FBXW7: variants seen among roughly 807,000 people sequenced by gnomAD.
The protein encoded by FBXW7 is F-box/WD repeat-containing protein 7.
FBXW7 carries 11 observed loss-of-function variants against 86.3 expected under a neutral mutation model. The observed-to-expected ratio is 0.13, with a 90% CI of 0.08 to 0.21. FBXW7 has a LOEUF of 0.21. FBXW7 is among the 10% of genes least tolerant of loss of function. The pLI is 1.00. For synonymous variants in FBXW7, 313 were observed against 297.9 expected (o/e 1.05, Z -0.52); for missense variants, 488 against 847.4 (o/e 0.58, Z 5.27).
chr4:152,324,429 G>A (rs1728819204), intron 12 of FBXW7, 35 bp from the exon 13 acceptor site: 1 of 1,489,778 alleles, frequency 6.7e-7, no homozygotes, highest in Non-Finnish European at 9.2e-7. Context: ...ATAGAAGTAT[G>A]GATACTCTTC....
intron 4 of FBXW7, among the ~76,000 whole-genome samples, chr4:152,393,433 TC>T (rs1736159521): frequency 1.3e-5 from 2 of 152,180 alleles, no homozygotes; most frequent in Non-Finnish European, 2.9e-5. Flanking sequence ...GTTTTAATTT[TC>T]TTTTCTATAC....
At chr4:152,504,802 G>A (rs1475094529) in intron 2 of FBXW7, among the ~76,000 whole-genome samples, 6 of 152,072 alleles carry the variant, frequency 3.9e-5, no homozygotes, top group Non-Finnish European at 8.8e-5. Context: ...GGTACAAAGA[G>A]AATCTAAAAT....
At chr4:152,511,374 A>G (rs573052505) in intron 2 of FBXW7, among the ~76,000 whole-genome samples, 9 of 141,106 alleles carry the variant, frequency 6.4e-5, no homozygotes, top group African/African-American at 2.4e-4. Flanking sequence ...CTAATCCTCC[A>G]TTTTTTCATC....
chr4:152,364,982 T>C (rs1352466238), intron 4 of FBXW7, among the ~76,000 whole-genome samples: 1 of 152,168 alleles, frequency 6.6e-6, no homozygotes, highest in Non-Finnish European at 1.5e-5. Context: ...TTGTGTCTGT[T>C]TCATGGCTGG....
chr4:152,322,628 G>T lies in FBXW7; in HGVS notation c.*253C>A. 1 of 498,834 alleles carries T rather than the reference G, an allele frequency of 2.0e-6. No homozygotes were observed. Among genetic ancestry groups the T allele is most frequent in the South Asian group, 4.1e-5 (1 of 24,500 alleles). 30.9% of individuals were successfully genotyped at this position (498,834 alleles called of 1,614,324 possible). ...GATTTAGAAAGTCTCATTTTGCAAA[G>T]CTGCCCTCAGTCAAAAGTGAAGCCT... On this transcript the variant is annotated 3_prime_UTR_variant, in exon 14 of 14. Coordinates refer to ENST00000281708, the MANE Select transcript of FBXW7 (RefSeq NM_001349798.2).
intron 5 of FBXW7, among the ~76,000 whole-genome samples, chr4:152,349,538 C>T (rs1460339112): frequency 6.6e-6 from 1 of 151,788 alleles, no homozygotes; most frequent in African/African-American, 2.4e-5. Context: ...GGAAACTATT[C>T]TACTGGTATA....
At chr4:152,390,854 G>GC (rs1735938377) in intron 4 of FBXW7, among the ~76,000 whole-genome samples, 1 of 151,722 alleles carries the variant, frequency 6.6e-6, no homozygotes, top group Non-Finnish European at 1.5e-5. Context: ...GTAATTGTGT[G>GC]TTTTTTTGCT....
At chr4:152,331,422 G>T (rs986818978) in intron 8 of FBXW7, among the ~76,000 whole-genome samples, 1 of 152,044 alleles carries the variant, frequency 6.6e-6, no homozygotes, top group Non-Finnish European at 1.5e-5. Context: ...CTATGACATG[G>T]ATGAACCTTG....
At chr4:152,373,400 A>G (rs1185642887) in intron 4 of FBXW7, among the ~76,000 whole-genome samples, 1 of 152,008 alleles carries the variant, frequency 6.6e-6, no homozygotes, top group Non-Finnish European at 1.5e-5. Flanking sequence ...CTGTCTCCCC[A>G]AACTACAATC....
At chr4:152,373,739 G>A (rs115109905) in intron 4 of FBXW7, among the ~76,000 whole-genome samples, 282 of 152,026 alleles carry the variant, frequency 1.9e-3, no homozygotes, top group African/African-American at 6.6e-3. Flanking sequence ...TACTTTGTAC[G>A]TAGGTCCATT....
chr4:152,482,876 A>G (rs1381999625), intron 2 of FBXW7, among the ~76,000 whole-genome samples: 1 of 152,196 alleles, frequency 6.6e-6, no homozygotes, highest in East Asian at 1.9e-4. Context: ...TAAGATAAAT[A>G]AAATAATTTT....
At chr4:152,374,009 T>C (rs1051930964) in intron 4 of FBXW7, among the ~76,000 whole-genome samples, 4 of 152,056 alleles carry the variant, frequency 2.6e-5, no homozygotes, top group Non-Finnish European at 5.9e-5. Flanking sequence ...TTAATGCCTT[T>C]ATTGATAAAG....
chr4:152,364,784 T>C (rs777943742), intron 4 of FBXW7, among the ~76,000 whole-genome samples: 1 of 152,174 alleles, frequency 6.6e-6, no homozygotes, highest in African/African-American at 2.4e-5. Flanking sequence ...TGAACATCTG[T>C]ATTGAAACAT....
At chr4:152,327,262 A>T (rs1413910425) in intron 11 of FBXW7, among the ~76,000 whole-genome samples, 1 of 152,098 alleles carries the variant, frequency 6.6e-6, no homozygotes, top group Non-Finnish European at 1.5e-5. Flanking sequence ...CACTGTTCAA[A>T]GTAGAGGTAA....
chr4:152,442,599 G>A (rs538200812), intron 2 of FBXW7, among the ~76,000 whole-genome samples: 23 of 152,292 alleles, frequency 1.5e-4, no homozygotes, highest in African/African-American at 5.3e-4. Flanking sequence ...ATTAGCAGGC[G>A]ATCGTTAAAT....
intron 4 of FBXW7, among the ~76,000 whole-genome samples, chr4:152,370,361 C>T (rs11931711): frequency 0.38 from 57,308 of 151,738 alleles, 11,587 homozygotes; most frequent in African/African-American, 0.52. Flanking sequence ...GAGGATACCA[C>T]AAAATAATCA....
intron 4 of FBXW7, among the ~76,000 whole-genome samples, chr4:152,373,321 T>A (rs555840032): frequency 2.6e-5 from 4 of 152,124 alleles, no homozygotes; most frequent in East Asian, 3.9e-4. Context: ...CTCTTCTACA[T>A]CCCAAATCAT....
At chr4:152,469,198 C>A (rs1399624369) in intron 2 of FBXW7, among the ~76,000 whole-genome samples, 1 of 152,010 alleles carries the variant, frequency 6.6e-6, no homozygotes, top group East Asian at 1.9e-4. Context: ...TACTATGACA[C>A]CTCATTATGC....
intron 3 of FBXW7, 115 bp from the exon 4 acceptor site, chr4:152,411,987 C>T: frequency 2.2e-6 from 2 of 923,044 alleles, no homozygotes; most frequent in South Asian, 2.4e-5. Flanking sequence ...AGTATTGATG[C>T]CACCAAGGCA....
Sources: allele counts gnomAD v4.1 joint callset (sites outside exome capture counted in the v4.1 genomes callset), GRCh38; gene constraint gnomAD v4.1.1; transcripts MANE v1.5; gene names NCBI Gene and HGNC (gene_info 2026-07-23, HGNC 2026-07-21).